SPRED2: variants seen among roughly 807,000 people sequenced by gnomAD.
SPRED2 encodes the protein sprouty-related, EVH1 domain-containing protein 2.
A neutral mutation model predicts 43.0 loss-of-function variants in SPRED2; 47 were observed. The observed-to-expected ratio is 1.09, with a 90% CI of 0.87 to 1.40. SPRED2 has a LOEUF of 1.40. SPRED2 is among the 40% of genes most tolerant of loss of function. SPRED2 has a pLI of 0.00. For synonymous variants in SPRED2, 225 were observed against 225.7 expected (o/e 1.00, Z 0.03); for missense variants, 561 against 586.4 (o/e 0.96, Z 0.45).
intron 1 of SPRED2, among the ~76,000 whole-genome samples, chr2:65,356,018 C>CAA (rs1674634519): frequency 1.3e-5 from 2 of 152,080 alleles, no homozygotes; most frequent in Non-Finnish European, 2.9e-5. Context: ...ATTGGTACTT[C>CAA]AAAAAACAAA....
chr2:65,346,858 G>A (rs58121238), intron 1 of SPRED2, among the ~76,000 whole-genome samples: 1 of 152,080 alleles, frequency 6.6e-6, no homozygotes, highest in Non-Finnish European at 1.5e-5. Context: ...TCAGCAACCA[G>A]GCTCACTGAC....
chr2:65,310,962 C>A lies in SPRED2; in HGVS notation c.*2539G>T. On this transcript the variant is annotated 3_prime_UTR_variant, in exon 6 of 6. Transcript: ENST00000356388. ...TAAGAACTAAAATGTACATCATACACTTGTATATATATTTTTTACACAGAG... is the reference window on the plus strand; with the variant it reads ...TAAGAACTAAAATGTACATCATACAATTGTATATATATTTTTTACACAGAG... 2 of 982,160 alleles carry A rather than the reference C, an allele frequency of 2.0e-6. No homozygotes were observed. The highest frequency in any genetic ancestry group is 2.4e-6 in the Non-Finnish European group (2 of 826,688). The allele number at this position is 982,160 out of a possible 1,614,324, so 60.8% of individuals were successfully genotyped here. A position where few individuals can be genotyped will look rare whatever the true frequency, so the allele number is the denominator to read the frequency against.
chr2:65,419,577 TTGTGTGTG>T (rs10541896), intron 1 of SPRED2, among the ~76,000 whole-genome samples: 2,804 of 148,966 alleles, frequency 0.019, 44 homozygotes, highest in African/African-American at 0.04. Flanking sequence ...GGGATTATAG[TTGTGTGTG>T]TGTGTGTGTG....
intron 1 of SPRED2, among the ~76,000 whole-genome samples, chr2:65,431,472 T>G (rs1460691996): frequency 6.6e-6 from 1 of 151,880 alleles, no homozygotes; most frequent in Non-Finnish European, 1.5e-5. Context: ...AATGAAAATG[T>G]GGTATGCAAA....
intron 1 of SPRED2, among the ~76,000 whole-genome samples, chr2:65,409,690 G>GAAA (rs1248204110): frequency 2.2e-5 from 1 of 45,896 alleles, no homozygotes; most frequent in Non-Finnish European, 4.7e-5. Context: ...CCAGTTTCCT[G>GAAA]CAAAAAAAAA....
intron 1 of SPRED2, among the ~76,000 whole-genome samples, chr2:65,403,644 T>C (rs955579243): frequency 6.6e-6 from 1 of 152,082 alleles, no homozygotes; most frequent in Non-Finnish European, 1.5e-5. Flanking sequence ...GGAAATGTAG[T>C]CCAAGGAGTA....
intron 1 of SPRED2, among the ~76,000 whole-genome samples, chr2:65,394,487 T>A (rs567597880): frequency 6.6e-6 from 1 of 152,228 alleles, no homozygotes; most frequent in East Asian, 1.9e-4. Flanking sequence ...GGCCTCTGGG[T>A]CAAATCTAAC....
At position 65,311,908 on chromosome 2, in the gene SPRED2, G is replaced by A. The variant is rs1673079516; in HGVS notation, c.*1593C>T. On this transcript the variant is annotated 3_prime_UTR_variant, in exon 6 of 6. Transcript: ENST00000356388. Reference sequence around the variant, plus strand: ...CCCTTTCCTTGAAGACTGGTGTCCTGTGTGCAATAAAGAAGGAGTGGGGAA... The same window carrying A: ...CCCTTTCCTTGAAGACTGGTGTCCTATGTGCAATAAAGAAGGAGTGGGGAA... 1.0e-6 allele frequency: 1 copy of A among 985,326 alleles called. No individual in the cohort carries two copies. Among genetic ancestry groups the A allele is most frequent in the African/African-American group, 1.7e-5 (1 of 57,228 alleles). 61.0% of individuals were successfully genotyped at this position (985,326 alleles called of 1,614,324 possible).
chr2:65,419,132 C>G (rs1336108476), intron 1 of SPRED2, among the ~76,000 whole-genome samples: 1 of 152,146 alleles, frequency 6.6e-6, no homozygotes, highest in Non-Finnish European at 1.5e-5. Context: ...AAGCAGGTAC[C>G]TATCTGCTTT....
intron 1 of SPRED2, among the ~76,000 whole-genome samples, chr2:65,399,239 A>C (rs1237688176): frequency 2.0e-5 from 3 of 150,628 alleles, no homozygotes; most frequent in Non-Finnish European, 4.4e-5. Flanking sequence ...ATTGCACTCC[A>C]GCCTGGTCAA....
chr2:65,321,948 T>C (rs1225055714), intron 4 of SPRED2, among the ~76,000 whole-genome samples: 1 of 151,832 alleles, frequency 6.6e-6, no homozygotes, highest in Non-Finnish European at 1.5e-5. Flanking sequence ...AATTTTTTGA[T>C]TTTTTTAGTA....
intron 4 of SPRED2, among the ~76,000 whole-genome samples, chr2:65,320,213 C>A (rs564199242): frequency 7.9e-4 from 121 of 152,298 alleles, no homozygotes; most frequent in Admixed American, 1.4e-3. Flanking sequence ...AGAAGTTAGC[C>A]TTGTGTTGAA....
At chr2:65,401,324 T>A (rs1675881512) in intron 1 of SPRED2, among the ~76,000 whole-genome samples, 1 of 152,090 alleles carries the variant, frequency 6.6e-6, no homozygotes, top group South Asian at 2.1e-4. Flanking sequence ...TATATACACT[T>A]GTTCAGTTTA....
At chr2:65,431,037 A>G (rs2103828100) in intron 1 of SPRED2, among the ~76,000 whole-genome samples, 1 of 151,814 alleles carries the variant, frequency 6.6e-6, no homozygotes, top group Non-Finnish European at 1.5e-5. Flanking sequence ...AAAATGCCAA[A>G]CTGGACCCCT....
chr2:65,357,647 T>G (rs17030204), intron 1 of SPRED2, among the ~76,000 whole-genome samples: 1 of 152,174 alleles, frequency 6.6e-6, no homozygotes, highest in Non-Finnish European at 1.5e-5. Flanking sequence ...GATAGGCAAC[T>G]GATTGTGAAA....
At chr2:65,338,150 CTCTCCCGTCTCCCTCTCCCGTCTCCCG>C (rs1372490983) in intron 2 of SPRED2, among the ~76,000 whole-genome samples, 1 of 141,552 alleles carries the variant, frequency 7.1e-6, no homozygotes, top group Non-Finnish European at 1.5e-5. Flanking sequence ...GTCCCTCTCC[CTCTCCCGTCTCCCTCTCCCGTCTCCCG>C]TCTCCCTCTC....
At chr2:65,352,359 CCA>C (rs571072134) in intron 1 of SPRED2, among the ~76,000 whole-genome samples, 203 of 152,328 alleles carry the variant, frequency 1.3e-3, no homozygotes, top group Middle Eastern at 3.4e-3. Flanking sequence ...ACAGGCTTCT[CCA>C]CAGTTATTTA....
chr2:65,349,004 T>A (rs1319234254), intron 1 of SPRED2, among the ~76,000 whole-genome samples: 2 of 152,056 alleles, frequency 1.3e-5, no homozygotes, highest in Non-Finnish European at 2.9e-5. Flanking sequence ...ACATGCATAT[T>A]CCCTTAGATT....
At chr2:65,334,188 C>T (rs1464968175) in intron 3 of SPRED2, 1 of 471,560 alleles carries the variant, frequency 2.1e-6, no homozygotes, top group Non-Finnish European at 4.4e-6. Flanking sequence ...GGCAGCTGTA[C>T]ACCCTGGGCC....
Sources: allele counts gnomAD v4.1 joint callset (sites outside exome capture counted in the v4.1 genomes callset), GRCh38; gene constraint gnomAD v4.1.1; transcripts MANE v1.5; gene names NCBI Gene and HGNC (gene_info 2026-07-23, HGNC 2026-07-21).